Variants in DYNC1LI1 observed in about 807,000 individuals in gnomAD.
The protein encoded by DYNC1LI1 is dynein cytoplasmic 1 light intermediate chain 1, also known as cytoplasmic dynein 1 light intermediate chain 1.
Under a neutral mutation model 63.8 loss-of-function variants are expected in DYNC1LI1, and 19 were observed. The observed-to-expected ratio is 0.30, with a 90% CI of 0.21 to 0.44. The LOEUF is 0.44. Ranked by LOEUF, DYNC1LI1 falls within the 20% of genes least tolerant of loss-of-function variation. The pLI is 1.00. For synonymous variants in DYNC1LI1, 225 were observed against 232.3 expected, an observed-to-expected ratio of 0.97 and a Z score of 0.28; for missense variants, 565 against 630.2, an observed-to-expected ratio of 0.90 and a Z score of 1.11.
At position 32,544,873 on chromosome 3, in the gene DYNC1LI1, T is replaced by C. The variant is rs1368087573; in HGVS notation, c.568+3A>G. 6 of 1,592,574 alleles carry C rather than the reference T, an allele frequency of 3.8e-6. No homozygotes were observed. In the African/African-American group the frequency reaches 6.7e-5, roughly 18 times the overall value. ...CCTACATTACTGTTTCTAGATTACT[T>C]ACACTTTTGTTCCATTTGTTTCATT... On this transcript the variant is annotated splice_donor_region_variant and intron_variant, in intron 4 of 12. Coordinates refer to ENST00000273130, the MANE Select transcript of DYNC1LI1 (RefSeq NM_016141.4).
At chr3:32,532,834 A>C in intron 8 of DYNC1LI1, 152 bp downstream of exon 8, 1 of 1,284,506 alleles carries the variant, frequency 7.8e-7, no homozygotes, top group Non-Finnish European at 1.0e-6. Flanking sequence ...TCCTTATGTA[A>C]ACTGTACATT....
In DYNC1LI1 at chr3:32,570,812, CGAGGCGGCTGAGGCGGTGGCGGTG is replaced by C. The variant is rs1287062218; in HGVS notation, c.-66_-43del. The stretch of plus-strand genomic sequence containing the variant: ...ACCACTCCCGGCAAGACTAAATGTG[CGAGGCGGCTGAGGCGGTGGCGGTG>C]GAGGCGGCGGGAACCCGGATATGGG... On this transcript the variant is annotated 5_prime_UTR_variant, in exon 1 of 13. Coordinates refer to ENST00000273130, the MANE Select transcript of DYNC1LI1 (RefSeq NM_016141.4). 8 of 1,567,810 alleles carry C rather than the reference CGAGGCGGCTGAGGCGGTGGCGGTG, an allele frequency of 5.1e-6. No homozygotes were observed. Among genetic ancestry groups the C allele is most frequent in the Non-Finnish European group, 6.9e-6 (8 of 1,154,004 alleles).
intron 10 of DYNC1LI1, 22 bp downstream of exon 10, chr3:32,530,254 AATCATTTT>A: frequency 6.3e-7 from 1 of 1,579,098 alleles, no homozygotes; most frequent in South Asian, 1.2e-5. Context: ...ACTGCATTTT[AATCATTTT>A]GTCAAAATTT....
chr3:32,553,928 C>T (rs1296254425), intron 2 of DYNC1LI1, among the ~76,000 whole-genome samples: 1 of 152,202 alleles, frequency 6.6e-6, no homozygotes, highest in Non-Finnish European at 1.5e-5. Flanking sequence ...TGTTTGGGAG[C>T]CATGGTGGCT....
chr3:32,563,890 C>G (rs112821639), intron 2 of DYNC1LI1, among the ~76,000 whole-genome samples: 79 of 152,336 alleles, frequency 5.2e-4, no homozygotes, highest in African/African-American at 1.8e-3. Flanking sequence ...AAAGACTGTT[C>G]ATCATTTGTT....
chr3:32,545,106 T>A lies in DYNC1LI1; in HGVS notation c.338A>T (p.Asp113Val), dbSNP rs777819258. ...GATCCAAACATTACATCTTGTTTGA[T>A]CTACAACAGACAAAACAAAGTAACC... Reference protein sequence around the residue: ...YLNVHDEDRDDQTRCNVWILD... With the variant: ...YLNVHDEDRDVQTRCNVWILD... Residue 113 changes from aspartate (D) to valine (V), a missense_variant and splice_region_variant, in exon 4 of 13, where the codon GAT becomes GTT. Asp to Val is a radical substitution (Grantham distance 152, BLOSUM62 -3). Transcript: ENST00000273130. 20 of 1,598,610 alleles carry A rather than the reference T, an allele frequency of 1.3e-5. No individual in the cohort carries two copies. Among genetic ancestry groups the A allele is most frequent in the Non-Finnish European group, 1.6e-5 (19 of 1,166,166 alleles).
intron 8 of DYNC1LI1, 75 bp from the exon 9 acceptor site, chr3:32,530,595 G>T: frequency 7.7e-7 from 1 of 1,300,476 alleles, no homozygotes; most frequent in Non-Finnish European, 1.1e-6. Context: ...TCTCTAGATT[G>T]GACTAATTAA....
intron 6 of DYNC1LI1, 60 bp from the exon 7 acceptor site, chr3:32,534,706 T>G (rs907041591): frequency 3.7e-6 from 5 of 1,349,598 alleles, no homozygotes; most frequent in Non-Finnish European, 4.9e-6. Context: ...ACCATAAAAT[T>G]CTGTGTTTTC....
At chr3:32,551,254 C>T (rs1252141940) in intron 2 of DYNC1LI1, among the ~76,000 whole-genome samples, 2 of 152,132 alleles carry the variant, frequency 1.3e-5, no homozygotes, top group African/African-American at 2.4e-5. Flanking sequence ...GAAAAGGTAA[C>T]GCTTTAGTCA....
chr3:32,548,828 C>T (rs1157200763), intron 2 of DYNC1LI1, among the ~76,000 whole-genome samples: 4 of 152,098 alleles, frequency 2.6e-5, no homozygotes, highest in South Asian at 2.1e-4. Context: ...CATATATATA[C>T]TCTAAAACTT....
intron 2 of DYNC1LI1, among the ~76,000 whole-genome samples, chr3:32,557,049 T>C (rs1429452422): frequency 6.6e-6 from 1 of 152,224 alleles, no homozygotes; most frequent in East Asian, 1.9e-4. Flanking sequence ...AAACTTTTTC[T>C]AGCCATTGGA....
chr3:32,565,201 A>G (rs1698242617), intron 2 of DYNC1LI1, among the ~76,000 whole-genome samples: 1 of 152,200 alleles, frequency 6.6e-6, no homozygotes, highest in Non-Finnish European at 1.5e-5. Flanking sequence ...AATAACTCAC[A>G]AGATTAAAAT....
At chr3:32,529,134 T>C (rs1035144485) in intron 11 of DYNC1LI1, among the ~76,000 whole-genome samples, 12 of 152,228 alleles carry the variant, frequency 7.9e-5, no homozygotes, top group African/African-American at 2.9e-4. Context: ...CAAAGTTGAA[T>C]AATCATTTGA....
chr3:32,526,564 T>C lies in DYNC1LI1; in HGVS notation c.*235A>G. The C allele has an allele frequency of 3.2e-6, 1 of 316,244 alleles. No individual in the cohort carries two copies. The highest frequency in any genetic ancestry group is 5.8e-6 in the Non-Finnish European group (1 of 171,686). The allele number at this position is 316,244 out of a possible 1,614,324, so 19.6% of individuals were successfully genotyped here. On this transcript the variant is annotated 3_prime_UTR_variant, in exon 13 of 13. Transcript: ENST00000273130. ...TGAGATTTTCAAAATCAAAAATTACTTTCTTATGCAAAATGGCAATGCAAA... is the reference window on the plus strand; with the variant it reads ...TGAGATTTTCAAAATCAAAAATTACCTTCTTATGCAAAATGGCAATGCAAA...
Position 32,570,443 on chromosome 3 carries a change from T to TGAGGCCG in DYNC1LI1, c.147-31_147-25dup, listed in dbSNP as rs779827586. 16 of 1,577,382 alleles carry TGAGGCCG rather than the reference T, an allele frequency of 1.0e-5. No homozygotes were observed. In the Admixed American group the frequency reaches 1.3e-4, roughly 12 times the overall value. On this transcript the variant is annotated intron_variant, in intron 1 of 12. Coordinates refer to ENST00000273130, the MANE Select transcript of DYNC1LI1 (RefSeq NM_016141.4). ...ACCTAACGGGAAGCAAGGCGTACGG[T>TGAGGCCG]GAGGCCGGAGGCCGGAGCCGCAGCG...
At chr3:32,548,129 A>G (rs961071974) in intron 2 of DYNC1LI1, among the ~76,000 whole-genome samples, 2 of 152,080 alleles carry the variant, frequency 1.3e-5, no homozygotes, top group Non-Finnish European at 2.9e-5. Flanking sequence ...ATTATGTTAA[A>G]TCAGGGGTCC....
intron 2 of DYNC1LI1, among the ~76,000 whole-genome samples, chr3:32,558,403 TAAAAAAAAAAA>T (rs533076265): frequency 1.1e-5 from 1 of 90,392 alleles, no homozygotes; most frequent in Non-Finnish European, 2.1e-5. Context: ...TTTAAAAATG[TAAAAAAAAAAA>T]AAAAAAAAAA....
intron 2 of DYNC1LI1, among the ~76,000 whole-genome samples, chr3:32,560,155 CCAGG>C (rs2125444515): frequency 6.6e-6 from 1 of 152,296 alleles, no homozygotes; most frequent in Admixed American, 6.5e-5. Flanking sequence ...CAGCTGAAGG[CCAGG>C]CGTGGTGGCT....
chr3:32,537,872 C>CAT (rs72436673), intron 5 of DYNC1LI1, among the ~76,000 whole-genome samples: 63 of 86,924 alleles, frequency 7.2e-4, no homozygotes, highest in Admixed American at 9.2e-4. Flanking sequence ...TTTTTTGTTA[C>CAT]ATATATATAT....
Sources: allele counts gnomAD v4.1 joint callset (sites outside exome capture counted in the v4.1 genomes callset), GRCh38; gene constraint gnomAD v4.1.1; transcripts MANE v1.5; gene names NCBI Gene and HGNC (gene_info 2026-07-23, HGNC 2026-07-21).